Variants in CCDC60 observed in about 807,000 individuals in gnomAD.
CCDC60 encodes the protein coiled-coil domain-containing protein 60.
A neutral mutation model predicts 63.5 loss-of-function variants in CCDC60; 54 were observed. The observed-to-expected ratio is 0.85, with a 90% CI of 0.68 to 1.07. The LOEUF is 1.07. Ranked by LOEUF, CCDC60 falls within the 50% of genes least tolerant of loss-of-function variation. CCDC60 has a pLI of 0.00. For missense variants in CCDC60, 651 were observed against 684.3 expected (o/e 0.95, Z 0.54); for synonymous variants, 206 against 238.8 (o/e 0.86, Z 1.27).
At chr12:119,368,241 A>C (rs1592996069) in intron 1 of CCDC60, among the ~76,000 whole-genome samples, 3 of 142,544 alleles carry the variant, frequency 2.1e-5, no homozygotes, top group South Asian at 5.1e-4. Flanking sequence ...GAGGAGGGGG[A>C]GGAGAAGATA....
At chr12:119,370,986 C>T (rs1041393550) in intron 1 of CCDC60, among the ~76,000 whole-genome samples, 2 of 152,142 alleles carry the variant, frequency 1.3e-5, no homozygotes, top group African/African-American at 2.4e-5. Context: ...GAGCCATGAC[C>T]ATAGCACTGC....
chr12:119,478,853 C>T (rs1342962332), intron 3 of CCDC60, among the ~76,000 whole-genome samples: 1 of 152,048 alleles, frequency 6.6e-6, no homozygotes, highest in Non-Finnish European at 1.5e-5. Context: ...GATCCACCCG[C>T]CTCGGCCTCC....
At chr12:119,471,708 G>A (rs1440658356) in intron 2 of CCDC60, among the ~76,000 whole-genome samples, 2 of 152,134 alleles carry the variant, frequency 1.3e-5, no homozygotes, top group Non-Finnish European at 2.9e-5. Context: ...CTGCAGGCAC[G>A]AGGGCACGCT....
At chr12:119,433,807 C>A (rs1950277032) in intron 2 of CCDC60, among the ~76,000 whole-genome samples, 1 of 152,128 alleles carries the variant, frequency 6.6e-6, no homozygotes, top group South Asian at 2.1e-4. Flanking sequence ...TAACCTGATG[C>A]TAAAAAGAAT....
chr12:119,362,118 A>G (rs1955797268), intron 1 of CCDC60, among the ~76,000 whole-genome samples: 2 of 152,192 alleles, frequency 1.3e-5, no homozygotes, highest in South Asian at 2.1e-4. Flanking sequence ...TCTTATATCT[A>G]TAGCTGTGTC....
chr12:119,523,339 T>G (rs778660663), intron 10 of CCDC60, among the ~76,000 whole-genome samples: 4 of 152,218 alleles, frequency 2.6e-5, no homozygotes, highest in Non-Finnish European at 5.9e-5. Context: ...TGAAATGTCT[T>G]GCCTGAGGCC....
At chr12:119,481,211 T>G (rs1468778258) in intron 4 of CCDC60, among the ~76,000 whole-genome samples, 4 of 152,200 alleles carry the variant, frequency 2.6e-5, no homozygotes, top group African/African-American at 9.6e-5. Context: ...GGTATTATGA[T>G]TATAATATTC....
At position 119,418,386 on chromosome 12, in the gene CCDC60, CTTTTTTTTTTTTTTTT is replaced by C. The variant is rs556783132; in HGVS notation, c.91-10266_91-10251del. Among the ~76,000 whole-genome samples, 89 of 65,752 alleles carry C rather than the reference CTTTTTTTTTTTTTTTT, an allele frequency of 1.4e-3. 4 individuals carry two copies. Among genetic ancestry groups the C allele is most frequent in the Admixed American group, 4.1e-3 (20 of 4,860 alleles). 43.1% of individuals were successfully genotyped at this position (65,752 alleles called of 152,430 possible). A position where few individuals can be genotyped will look rare whatever the true frequency, so the allele number is the denominator to read the frequency against. On this transcript the variant is annotated intron_variant, in intron 1 of 13. Coordinates refer to ENST00000327554, the MANE Select transcript of CCDC60 (RefSeq NM_178499.5). ...TCTTTCTTTTTCCTTTTCTTTCTTT[CTTTTTTTTTTTTTTTT>C]TTTTTTTTTTTTTTTTTTTTTTTTT...
At chr12:119,437,668 G>T (rs564191671) in intron 2 of CCDC60, among the ~76,000 whole-genome samples, 10 of 152,246 alleles carry the variant, frequency 6.6e-5, no homozygotes, top group African/African-American at 2.4e-4. Context: ...GCATCTCATC[G>T]TTCAACACTC....
At chr12:119,416,120 G>A (rs551107314) in intron 1 of CCDC60, among the ~76,000 whole-genome samples, 4 of 152,260 alleles carry the variant, frequency 2.6e-5, no homozygotes, top group South Asian at 2.1e-4. Context: ...AGTGGTTCAC[G>A]CCTGTAATCC....
intron 1 of CCDC60, among the ~76,000 whole-genome samples, chr12:119,346,879 C>T (rs1421976140): frequency 6.7e-6 from 1 of 149,608 alleles, no homozygotes; most frequent in Non-Finnish European, 1.5e-5. Flanking sequence ...GGCTGGAGAG[C>T]AATGGCGTGA....
At chr12:119,529,530 T>C (rs1952780661) in intron 12 of CCDC60, among the ~76,000 whole-genome samples, 1 of 152,150 alleles carries the variant, frequency 6.6e-6, no homozygotes, top group Non-Finnish European at 1.5e-5. Context: ...AAGAGTAAGA[T>C]GAGAAAGTAA....
At chr12:119,519,485 CAG>C (rs1283180991) in intron 8 of CCDC60, among the ~76,000 whole-genome samples, 1 of 118,272 alleles carries the variant, frequency 8.5e-6, no homozygotes, top group Non-Finnish European at 1.6e-5. Flanking sequence ...TTTTTTTTGA[CAG>C]AGTCATGCTC....
intron 1 of CCDC60, among the ~76,000 whole-genome samples, chr12:119,369,668 G>A (rs1490851752): frequency 1.3e-5 from 2 of 152,124 alleles, no homozygotes; most frequent in Admixed American, 6.5e-5. Context: ...TACTTAGCTC[G>A]TGGAGCTGTT....
chr12:119,353,754 C>T (rs2136156527), intron 1 of CCDC60, among the ~76,000 whole-genome samples: 1 of 152,094 alleles, frequency 6.6e-6, no homozygotes, highest in African/African-American at 2.4e-5. Flanking sequence ...ATTACAGGTG[C>T]CCACCACCAC....
chr12:119,515,116 C>T (rs1023575013), intron 7 of CCDC60, among the ~76,000 whole-genome samples: 6 of 152,228 alleles, frequency 3.9e-5, no homozygotes, highest in South Asian at 2.1e-4. Flanking sequence ...ATGACAAAAT[C>T]GCCTAATGAT....
chr12:119,490,902 A>G (rs1951566333), intron 5 of CCDC60, among the ~76,000 whole-genome samples: 2 of 152,222 alleles, frequency 1.3e-5, no homozygotes, highest in African/African-American at 2.4e-5. Flanking sequence ...TAATAAGTGA[A>G]TACAATTTAT....
At chr12:119,504,475 C>A (rs964153141) in intron 6 of CCDC60, among the ~76,000 whole-genome samples, 2 of 152,180 alleles carry the variant, frequency 1.3e-5, no homozygotes, top group African/African-American at 4.8e-5. Context: ...GCTCCTCCCC[C>A]AAGAATGCCA....
chr12:119,481,353 A>G (rs1034371619), intron 4 of CCDC60, among the ~76,000 whole-genome samples: 2 of 152,138 alleles, frequency 1.3e-5, no homozygotes, highest in African/African-American at 4.8e-5. Flanking sequence ...TCTGAAACCA[A>G]TTGGAATAGA....
Sources: allele counts gnomAD v4.1 joint callset (sites outside exome capture counted in the v4.1 genomes callset), GRCh38; gene constraint gnomAD v4.1.1; transcripts MANE v1.5; gene names NCBI Gene and HGNC (gene_info 2026-07-23, HGNC 2026-07-21).